The following OSMR variants were observed in gnomAD, a reference collection of about 807,000 sequenced individuals.
OSMR encodes oncostatin-M-specific receptor subunit beta.
A neutral mutation model predicts 99.9 loss-of-function variants in OSMR; 81 were observed. The ratio of observed to expected loss-of-function variants is 0.81; its 90% CI spans 0.68 to 0.97. OSMR has a LOEUF of 0.97. Among genes scored for constraint, OSMR ranks in the 50% least tolerant of loss-of-function variants. The probability of loss-of-function intolerance (pLI) is 0.00; values close to 1 mark genes in which losing one functional copy is unlikely to be tolerated. For missense variants in OSMR, 1,099 were observed against 1,153.4 expected (o/e 0.95, Z 0.68); for synonymous variants, 406 against 410.4 (o/e 0.99, Z 0.13).
chr5:38,927,164 C>A (rs1319362936), intron 15 of OSMR, among the ~76,000 whole-genome samples: 1 of 152,248 alleles, frequency 6.6e-6, no homozygotes, highest in Admixed American at 6.5e-5. Context: ...TGGCTGCTTT[C>A]ATGGGCTGGC....
chr5:38,868,450 G>A (rs997335867), intron 1 of OSMR, among the ~76,000 whole-genome samples: 3 of 152,196 alleles, frequency 2.0e-5, no homozygotes, highest in Non-Finnish European at 4.4e-5. Context: ...GGGACCCAGG[G>A]GGAGGTAATT....
chr5:38,932,520 A>T lies in OSMR; in HGVS notation c.2352A>T (p.Ser784=). 1 of 1,613,546 alleles carries T rather than the reference A, an allele frequency of 6.2e-7. No individual in the cohort carries two copies. Among genetic ancestry groups the T allele is most frequent in the Non-Finnish European group, 8.5e-7 (1 of 1,179,466 alleles). The stretch of plus-strand genomic sequence containing the variant: ...ACCCTTACAAGAGCAGCATCCTGTC[A>T]TTAATAAAATTCAAGGTAAATGTTG... ...IPDPYKSSIL[S]LIKFKENPHL... Residue 784 remains serine (S), a synonymous_variant, in exon 17 of 18, where the codon TCA becomes TCT. Transcript: ENST00000274276.
At chr5:38,939,648 G>T (rs997820121), downstream of OSMR, 9 of 230,490 alleles carry the variant, frequency 3.9e-5, no homozygotes, top group African/African-American at 6.6e-5. Flanking sequence ...GAAATTCATA[G>T]TTTACAACCA....
At position 38,932,895 on chromosome 5, in the gene OSMR, G is replaced by C; in HGVS notation, c.2391G>C (p.Met797Ile). The change falls in exon 18 of 18, where the codon ATG (methionine) becomes ATC (isoleucine). Residue 797 changes from methionine to isoleucine, a missense_variant. Met to Ile is a conservative substitution (Grantham distance 10). Coordinates refer to ENST00000274276, the MANE Select transcript of OSMR (RefSeq NM_003999.3). ...AGGAGAACCCTCACCTAATAATAAT[G>C]AATGTCAGTGACTGTATCCCAGATG... The part of the protein sequence containing the change: ...KFKENPHLII[M>I]NVSDCIPDAI... 1 of 1,613,848 alleles carries C rather than the reference G, an allele frequency of 6.2e-7. No homozygotes were observed.
chr5:38,938,374 G>T (rs1024867132), downstream of OSMR: 1 of 230,068 alleles, frequency 4.3e-6, no homozygotes, highest in Non-Finnish European at 8.6e-6. Context: ...AGGTATTTTT[G>T]TAACAATTAC....
chr5:38,881,382 G>T, intron 3 of OSMR: 1 of 598,974 alleles, frequency 1.7e-6, no homozygotes, highest in Non-Finnish European at 2.1e-6. Context: ...CATAGTGATT[G>T]GAAGCTGAGT....
At chr5:38,919,274 A>G (rs1251129558) in intron 11 of OSMR, 2 of 1,507,494 alleles carry the variant, frequency 1.3e-6, no homozygotes, top group Non-Finnish European at 1.8e-6. Context: ...GCCATGGCTC[A>G]GGACATTTCT....
At chr5:38,904,530 CA>C (rs754878711) in intron 9 of OSMR, 27 bp downstream of exon 9, 2 of 1,613,886 alleles carry the variant, frequency 1.2e-6, no homozygotes, top group East Asian at 2.2e-5. Flanking sequence ...GCATTTAACC[CA>C]AAGAAGTAGG....
downstream of OSMR, chr5:38,939,701 A>G (rs530488090): frequency 1.8e-4 from 41 of 230,304 alleles, no homozygotes; most frequent in Non-Finnish European, 2.5e-4. Flanking sequence ...ATAATTACCA[A>G]TAGTACAAAT....
intron 1 of OSMR, among the ~76,000 whole-genome samples, chr5:38,856,036 T>C (rs1740811061): frequency 6.6e-6 from 1 of 152,154 alleles, no homozygotes; most frequent in Admixed American, 6.5e-5. Context: ...TCAGGGTCTT[T>C]GCAGAGTTTT....
chr5:38,855,226 C>T (rs910697904), intron 1 of OSMR, among the ~76,000 whole-genome samples: 9 of 152,138 alleles, frequency 5.9e-5, no homozygotes, highest in African/African-American at 9.7e-5. Context: ...CCCAGAGCTT[C>T]GTGCGCTGAC....
chr5:38,862,727 C>T (rs1236924451), intron 1 of OSMR, among the ~76,000 whole-genome samples: 1 of 151,370 alleles, frequency 6.6e-6, no homozygotes, highest in Non-Finnish European at 1.5e-5. Flanking sequence ...GGGATGGCGG[C>T]CGGGAAGAGG....
intron 12 of OSMR, among the ~76,000 whole-genome samples, chr5:38,922,607 A>G (rs1746286019): frequency 6.6e-6 from 1 of 152,178 alleles, no homozygotes; most frequent in Non-Finnish European, 1.5e-5. Context: ...TTCAAAGAAC[A>G]CTGCAGAGGC....
chr5:38,924,388 A>T, intron 13 of OSMR, 34 bp from the exon 14 acceptor site: 1 of 1,613,840 alleles, frequency 6.2e-7, no homozygotes, highest in Non-Finnish European at 8.5e-7. Context: ...TTTCCAAATC[A>T]TGACTTTTCT....
intron 1 of OSMR, among the ~76,000 whole-genome samples, chr5:38,861,773 G>A (rs549126335): frequency 1.3e-5 from 2 of 150,004 alleles, no homozygotes; most frequent in Admixed American, 6.6e-5. Context: ...CCTCCTGGAC[G>A]GGGCGGCTGG....
downstream of OSMR, among the ~76,000 whole-genome samples, chr5:38,935,916 T>A (rs1747002054): frequency 6.6e-6 from 1 of 152,184 alleles, no homozygotes; most frequent in African/African-American, 2.4e-5. Flanking sequence ...CTGGGCTCTG[T>A]AACATTTGTC....
intron 7 of OSMR, among the ~76,000 whole-genome samples, chr5:38,896,779 G>A (rs571215219): frequency 7.2e-4 from 109 of 151,896 alleles, no homozygotes; most frequent in Middle Eastern, 3.4e-3. Flanking sequence ...TACTAGCTAC[G>A]GGTCTGTCGT....
chr5:38,886,014 G>A, intron 6 of OSMR, 25 bp from the exon 7 acceptor site: 2 of 1,611,718 alleles, frequency 1.2e-6, no homozygotes, highest in Non-Finnish European at 1.7e-6. Flanking sequence ...CGTAATGGTT[G>A]TGTTATTTTG....
At chr5:38,868,251 G>C (rs75481125) in intron 1 of OSMR, among the ~76,000 whole-genome samples, 10,034 of 152,222 alleles carry the variant, frequency 0.066, 884 homozygotes, top group East Asian at 0.46. Flanking sequence ...GGGGTCAGCT[G>C]CTCTTGTCTG....
Sources: gnomAD v4.1 joint callset for allele counts (sites outside exome capture counted in the v4.1 genomes callset) on GRCh38, gnomAD v4.1.1 for gene constraint, MANE v1.5 for transcripts, NCBI Gene and HGNC (gene_info 2026-07-23, HGNC 2026-07-21) for gene names.